The following MYLK variants were observed in gnomAD, a reference collection of about 807,000 sequenced individuals.
MYLK encodes the protein myosin light chain kinase, also known as myosin light chain kinase, smooth muscle.
A neutral mutation model predicts 203.4 loss-of-function variants in MYLK; 106 were observed. The observed-to-expected ratio is 0.52, with a 90% CI of 0.45 to 0.61. The LOEUF is 0.61. Among genes scored for constraint, MYLK ranks in the 20% least tolerant of loss-of-function variants. The probability of loss-of-function intolerance (pLI) is 0.00; values close to 1 mark genes in which losing one functional copy is unlikely to be tolerated. For missense variants in MYLK, 2,072 were observed against 2,442.3 expected (o/e 0.85, Z 3.20); for synonymous variants, 867 against 959.5 (o/e 0.90, Z 1.78).
chr3:123,684,205 C>A (rs1313179145), intron 19 of MYLK, among the ~76,000 whole-genome samples: 2 of 152,212 alleles, frequency 1.3e-5, no homozygotes, highest in Non-Finnish European at 2.9e-5. Flanking sequence ...CAGGGTATCA[C>A]ACCCCACAGG....
chr3:123,806,899 A>G (rs2065388090), intron 3 of MYLK, among the ~76,000 whole-genome samples: 1 of 151,914 alleles, frequency 6.6e-6, no homozygotes, highest in African/African-American at 2.4e-5. Flanking sequence ...TCCTGACCTC[A>G]GGTGATCCAC....
chr3:123,787,362 G>A (rs1320672229), intron 4 of MYLK, among the ~76,000 whole-genome samples: 1 of 152,196 alleles, frequency 6.6e-6, no homozygotes, highest in Non-Finnish European at 1.5e-5. Flanking sequence ...TCTGAAGCCA[G>A]GCAGGGAGTG....
At chr3:123,881,547 C>A (rs1015636403) in intron 1 of MYLK, among the ~76,000 whole-genome samples, 1 of 152,064 alleles carries the variant, frequency 6.6e-6, no homozygotes, top group African/African-American at 2.4e-5. Context: ...TATTTCCAGA[C>A]TCCCAAGTAT....
intron 20 of MYLK, among the ~76,000 whole-genome samples, chr3:123,677,902 TATATATATATATATATACAC>T (rs1456291201): frequency 1.1e-5 from 1 of 91,248 alleles, no homozygotes; most frequent in African/African-American, 4.7e-5. Context: ...TATATATATA[TATATATATATATATATACAC>T]ACACACACAC....
chr3:123,708,835 T>G lies in MYLK; in HGVS notation c.2003A>C (p.Asp668Ala). 1 of 1,614,112 alleles carries G rather than the reference T, an allele frequency of 6.2e-7. No homozygotes were observed. The highest frequency in any genetic ancestry group is 8.5e-7 in the Non-Finnish European group (1 of 1,180,002). ...AGTTCCTCTCTGTTCAAAGTGGAAG[T>G]CCTCTGACTCTTGGATCTCATTCCC... ...HNGNEIQESE[D>A]FHFEQRGTQH... is the part of the protein sequence containing the mutation. Residue 668 changes from aspartate to alanine, a missense_variant, in exon 15 of 34, where the codon GAC becomes GCC. By Grantham distance (126) the Asp-to-Ala change is moderately radical. Around this residue, in one of 3 missense-constraint regions of MYLK, gnomAD observed 865 missense variants for 1,016.0 expected, o/e 0.85. Transcript: ENST00000360304.
chr3:123,614,270 A>G lies in MYLK; in HGVS notation c.5580T>C (p.Asp1860=). 1 of 1,614,122 alleles carries G rather than the reference A, an allele frequency of 6.2e-7. No individual in the cohort carries two copies. Among genetic ancestry groups the G allele is most frequent in the Non-Finnish European group, 8.5e-7 (1 of 1,180,022 alleles). The stretch of plus-strand genomic sequence containing the variant: ...TAATTAAAGAGCAGTTCCCGTCCTC[A>G]TCGTAGTCTATCTGGAAGTGGCGGG... ...RESRHFQIDY[D]EDGNCSLIIS... Residue 1860 remains aspartate (D), a synonymous_variant, in exon 34 of 34, where the codon GAT becomes GAC. Transcript: ENST00000360304.
chr3:123,686,244 G>A (rs1397934041), intron 19 of MYLK, among the ~76,000 whole-genome samples: 1 of 152,216 alleles, frequency 6.6e-6, no homozygotes, highest in African/African-American at 2.4e-5. Context: ...CCAAAGAAGT[G>A]TGGGGGAGGA....
At chr3:123,735,185 T>C (rs757824560) in intron 9 of MYLK, 13 of 650,412 alleles carry the variant, frequency 2.0e-5, no homozygotes, top group Middle Eastern at 5.4e-4. Context: ...CACTGAGTTT[T>C]CCAGTCTCAA....
intron 4 of MYLK, among the ~76,000 whole-genome samples, chr3:123,761,789 G>A (rs1441592190): frequency 2.0e-5 from 3 of 152,172 alleles, no homozygotes; most frequent in East Asian, 3.8e-4. Context: ...ATTTTGGGAG[G>A]CCGAGGCAGG....
At chr3:123,722,884 GATAA>G in intron 12 of MYLK, among the ~76,000 whole-genome samples, 1 of 152,294 alleles carries the variant, frequency 6.6e-6, no homozygotes, top group South Asian at 2.1e-4. Flanking sequence ...TCACAGAAAA[GATAA>G]ATATAGGGAA....
intron 12 of MYLK, among the ~76,000 whole-genome samples, chr3:123,724,118 G>A (rs1331427616): frequency 7.1e-6 from 1 of 140,148 alleles, no homozygotes; most frequent in Non-Finnish European, 1.5e-5. Flanking sequence ...GCTAAGTTTT[G>A]CTAAGCCTGG....
In MYLK at chr3:123,612,551, T is replaced by C. The variant is rs2057273464; in HGVS notation, c.*1554A>G. ...ATGCGCTAAATCAAATAAAAACCCT[T>C]TATTATAATAAACTGTGGCAATACT... On this transcript the variant is annotated 3_prime_UTR_variant, in exon 34 of 34. Transcript: ENST00000360304. 6.6e-6 allele frequency: 1 copy of C among 152,596 alleles called. No individual in the cohort carries two copies. The highest frequency in any genetic ancestry group is 6.5e-5 in the Admixed American group (1 of 15,282). 9.5% of individuals were successfully genotyped at this position (152,596 alleles called of 1,614,324 possible).
chr3:123,734,251 T>TTTGGGG, intron 9 of MYLK, 29 bp from the exon 10 acceptor site: 30 of 448,354 alleles, frequency 6.7e-5, no homozygotes, highest in Middle Eastern at 5.5e-4. Context: ...GGGGGTAGGG[T>TTTGGGG]GGGTGAGGAG....
Position 123,640,380 on chromosome 3 carries a change from C to T in MYLK, c.4744G>A (p.Val1582Met), listed in dbSNP as rs755510742. 1.4e-5 allele frequency: 23 copies of T among 1,613,854 alleles called. No homozygotes were observed. Among genetic ancestry groups the T allele is most frequent in the African/African-American group, 8.0e-5 (6 of 74,838 alleles). The change falls in exon 28 of 34, where the codon GTG becomes ATG. Residue 1582 changes from valine to methionine, a missense_variant. Around this residue, in one of 3 missense-constraint regions of MYLK, gnomAD observed 524 missense variants for 782.4 expected, o/e 0.67. Coordinates refer to ENST00000360304, the MANE Select transcript of MYLK (RefSeq NM_053025.4). The surrounding 1 kb of genome is among the most constrained non-coding windows in gnomAD (Gnocchi z 4.3). Reference sequence around the variant, plus strand: ...TTCTCCGGCTTGAGGTCCAGGTGCACGATGCCCTGCTTGTGGATGTACTCC... The same window carrying T: ...TTCTCCGGCTTGAGGTCCAGGTGCATGATGCCCTGCTTGTGGATGTACTCC... ...GVEYIHKQGI[V>M]HLDLKPENIM...
intron 2 of MYLK, among the ~76,000 whole-genome samples, chr3:123,862,185 T>A (rs1157854220): frequency 6.6e-6 from 1 of 152,222 alleles, no homozygotes; most frequent in Admixed American, 6.5e-5. Flanking sequence ...AGCTTCTTAC[T>A]GTAACTTCAT....
chr3:123,740,498 T>A (rs539506930), intron 5 of MYLK, among the ~76,000 whole-genome samples: 6 of 152,210 alleles, frequency 3.9e-5, no homozygotes, highest in Non-Finnish European at 8.8e-5. Context: ...CAATCAACAC[T>A]CCATTCTTCC....
intron 2 of MYLK, among the ~76,000 whole-genome samples, chr3:123,862,786 C>T (rs978163527): frequency 1.3e-5 from 2 of 152,118 alleles, no homozygotes; most frequent in Non-Finnish European, 2.9e-5. Flanking sequence ...CTTTCAGCAG[C>T]CCCCACCTCC....
chr3:123,628,130 T>C (rs2058240764), intron 30 of MYLK, among the ~76,000 whole-genome samples: 1 of 152,156 alleles, frequency 6.6e-6, no homozygotes, highest in Non-Finnish European at 1.5e-5. Flanking sequence ...CCATTTCTGA[T>C]ACAGACTGTG....
At chr3:123,804,743 A>T (rs1279886512) in intron 3 of MYLK, among the ~76,000 whole-genome samples, 2 of 152,176 alleles carry the variant, frequency 1.3e-5, no homozygotes, top group African/African-American at 4.8e-5. Context: ...CTGGCTTCTA[A>T]ATGTGGCCCC....
Sources: gnomAD v4.1 joint callset for allele counts (sites outside exome capture counted in the v4.1 genomes callset) on GRCh38, gnomAD v4.1.1 for gene constraint, gnomAD v4.1.1 regional missense constraint, Gnocchi (gnomAD v3.1) non-coding constraint, MANE v1.5 for transcripts, NCBI Gene and HGNC (gene_info 2026-07-23, HGNC 2026-07-21) for gene names.